MGST1: variants seen among roughly 807,000 people sequenced by gnomAD.
MGST1 encodes glutathione S-transferase 12.
Under a neutral mutation model 8.9 loss-of-function variants are expected in MGST1, and 5 were observed. That is an observed-to-expected ratio of 0.56 (90% CI 0.29 to 1.19). The LOEUF (loss-of-function observed/expected upper bound fraction) is 1.19, where lower values mean the gene tolerates loss of function less well. MGST1 is among the 50% of genes most tolerant of loss of function. The pLI, the probability that MGST1 is intolerant of heterozygous loss-of-function variation, is 0.08. For synonymous variants in MGST1, 54 were observed against 67.8 expected, an observed-to-expected ratio of 0.80 and a Z score of 1.00; for missense variants, 182 against 187.4, an observed-to-expected ratio of 0.97 and a Z score of 0.17.
At chr12:16,424,584 G>T (rs1485347891) in intron 1 of MGST1, among the ~76,000 whole-genome samples, 1 of 152,140 alleles carries the variant, frequency 6.6e-6, no homozygotes, top group African/African-American at 2.4e-5. Flanking sequence ...CTTTCTGGCA[G>T]AATGGCTTCC....
At chr12:16,400,126 A>T (rs1046706691) in intron 1 of MGST1, 1 of 1,522,194 alleles carries the variant, frequency 6.6e-7, no homozygotes, top group African/African-American at 1.4e-5. Flanking sequence ...TTCTCGTTCC[A>T]TCTGCTCAGC....
At chr12:16,557,376 T>TC (rs978167730) in intron 4 of MGST1, among the ~76,000 whole-genome samples, 25 of 151,700 alleles carry the variant, frequency 1.6e-4, no homozygotes, top group African/African-American at 5.8e-4. Context: ...GATTTTTTTT[T>TC]TTTTTTTTTA....
chr12:16,575,287 C>G (rs777917321), intron 4 of MGST1, among the ~76,000 whole-genome samples: 9 of 152,142 alleles, frequency 5.9e-5, no homozygotes, highest in Non-Finnish European at 1.3e-4. Context: ...AGGTCAATTT[C>G]CACACACTAA....
At chr12:16,592,628 C>A (rs1943529607), downstream of MGST1, among the ~76,000 whole-genome samples, 1 of 151,848 alleles carries the variant, frequency 6.6e-6, no homozygotes, top group Non-Finnish European at 1.5e-5. Context: ...ATGTTACCAA[C>A]TTTATACATA....
chr12:16,466,533 G>A (rs905557588), intron 4 of MGST1, among the ~76,000 whole-genome samples: 1 of 152,108 alleles, frequency 6.6e-6, no homozygotes, highest in African/African-American at 2.4e-5. Flanking sequence ...TGAAAGTGTT[G>A]ATACCACACT....
intron 4 of MGST1, among the ~76,000 whole-genome samples, chr12:16,496,645 A>G (rs1354148497): frequency 6.6e-6 from 1 of 152,056 alleles, no homozygotes; most frequent in Non-Finnish European, 1.5e-5. Flanking sequence ...TCTCCCTTCT[A>G]GTAGTTCCCC....
intron 4 of MGST1, among the ~76,000 whole-genome samples, chr12:16,578,643 C>T (rs1013245892): frequency 1.1e-4 from 16 of 152,052 alleles, no homozygotes; most frequent in Non-Finnish European, 2.4e-4. Flanking sequence ...CATGGTGAAG[C>T]CCCATGTCTA....
intron 4 of MGST1, among the ~76,000 whole-genome samples, chr12:16,493,586 A>G (rs1007008861): frequency 2.0e-5 from 3 of 152,186 alleles, no homozygotes; most frequent in African/African-American, 4.8e-5. Context: ...AAGAACTTTC[A>G]TAACAGTGCT....
chr12:16,412,879 C>T lies in MGST1; in HGVS notation n.779-24509C>T, dbSNP rs528231097. On this transcript the variant is annotated intron_variant and non_coding_transcript_variant, in intron 1 of 1. Coordinates refer to the MGST1 transcript ENST00000359720. ...TGAGAACAGACTAATACAGAGCCCT[C>T]CTCAAAAACAGTAATTTTGAAAATA... Among the ~76,000 whole-genome samples, 6 of 152,156 alleles carry T rather than the reference C, an allele frequency of 3.9e-5. No individual in the cohort carries two copies. The South Asian group carries it at 6.2e-4, about 16-fold the overall frequency.
intron 4 of MGST1, among the ~76,000 whole-genome samples, chr12:16,495,776 C>A (rs911492318): frequency 6.6e-6 from 1 of 151,662 alleles, no homozygotes; most frequent in Non-Finnish European, 1.5e-5. Context: ...ATTCTGCTAT[C>A]AACAGCTTTT....
downstream of MGST1, among the ~76,000 whole-genome samples, chr12:16,378,026 A>T: frequency 6.6e-6 from 1 of 151,348 alleles, no homozygotes; most frequent in Non-Finnish European, 1.5e-5. Context: ...GTTTGAGTTC[A>T]TTGTAGATTC....
chr12:16,465,169 G>A (rs1473906713), intron 4 of MGST1, among the ~76,000 whole-genome samples: 1 of 152,208 alleles, frequency 6.6e-6, no homozygotes, highest in African/African-American at 2.4e-5. Flanking sequence ...TGCTTGTACA[G>A]GGAAGAAGAA....
exon 4 of MGST1, chr12:16,376,745 A>G (rs1397974595): frequency 6.6e-6 from 1 of 152,170 alleles, no homozygotes; most frequent in African/African-American, 2.4e-5. Flanking sequence ...ATATTTTCAG[A>G]TATGATAATG....
At position 16,589,435 on chromosome 12, in the gene MGST1, T is replaced by TATA. The variant is rs1943422304; in HGVS notation, n.483-93_483-92insATA. On this transcript the variant is annotated intron_variant and non_coding_transcript_variant, in intron 4 of 4. Coordinates refer to the MGST1 transcript ENST00000538857. The surrounding 1 kb of genome is among the most constrained non-coding windows in gnomAD (Gnocchi z 4.2). ...TGTGACTTCACAGTAAAAAATTAGG[T>TATA]CGTAGTGCAGATGAAAGCCTCCGTA... The TATA allele has an allele frequency of 1.3e-5, 2 of 151,996 alleles. No homozygotes were observed. The highest frequency in any genetic ancestry group is 4.8e-5 in the African/African-American group (2 of 41,398). The allele number at this position is 151,996 out of a possible 1,614,324, so 9.4% of individuals were successfully genotyped here.
chr12:16,452,022 T>G (rs1941132946), intron 4 of MGST1, among the ~76,000 whole-genome samples: 1 of 151,846 alleles, frequency 6.6e-6, no homozygotes, highest in Admixed American at 6.6e-5. Flanking sequence ...TTATGCCATT[T>G]GTATTGCAAA....
chr12:16,363,827 C>A lies in MGST1; in HGVS notation c.254C>A (p.Pro85Gln), dbSNP rs780420207. ...AHLNDLENIIPFLGIGLLYSL... is the reference protein window; with the variant it reads ...AHLNDLENIIQFLGIGLLYSL... ...CTGAATGACCTTGAAAATATTATTC[C>A]ATTTCTTGGAATTGGCCTCCTGTAT... Residue 85 changes from proline (P) to glutamine (Q), a missense_variant, in exon 4 of 4, where the codon CCA becomes CAA. Coordinates refer to ENST00000396210, the MANE Select transcript of MGST1 (RefSeq NM_020300.5). This position sits in a 1 kb window ranked among gnomAD's most constrained non-coding sequence, Gnocchi z 4.6. 6.2e-7 allele frequency: 1 copy of A among 1,609,508 alleles called. No individual in the cohort carries two copies. Among genetic ancestry groups the A allele is most frequent in the South Asian group, 1.1e-5 (1 of 90,758 alleles).
chr12:16,443,354 CAT>C (rs1264279550), downstream of MGST1, among the ~76,000 whole-genome samples: 8 of 151,870 alleles, frequency 5.3e-5, no homozygotes, highest in South Asian at 2.1e-4. Context: ...GTAATTACGA[CAT>C]AGTTAGGTAT....
chr12:16,366,255 TTAAG>T (rs2137010008), downstream of MGST1, among the ~76,000 whole-genome samples: 1 of 152,302 alleles, frequency 6.6e-6, no homozygotes, highest in South Asian at 2.1e-4. The surrounding 1 kb of genome is among the most constrained non-coding windows in gnomAD (Gnocchi z 4.0). Flanking sequence ...GTTTCTAAAT[TTAAG>T]TATAAGTTGT....
chr12:16,349,378 G>A (rs549209105), intron 1 of MGST1, among the ~76,000 whole-genome samples: 3 of 152,066 alleles, frequency 2.0e-5, no homozygotes, highest in East Asian at 1.9e-4. Flanking sequence ...GGTTTGGGGG[G>A]AGGGGTAGAA....
Sources: allele counts gnomAD v4.1 joint callset (sites outside exome capture counted in the v4.1 genomes callset), GRCh38; gene constraint gnomAD v4.1.1; non-coding constraint Gnocchi (gnomAD v3.1); transcripts MANE v1.5; gene names NCBI Gene and HGNC (gene_info 2026-07-23, HGNC 2026-07-21).